Variants in SCLY observed in about 807,000 individuals in gnomAD.
SCLY encodes the protein putative selenocysteine lyase.
A neutral mutation model predicts 50.1 loss-of-function variants in SCLY; 38 were observed. That is an observed-to-expected ratio of 0.76 (90% confidence interval 0.59 to 0.99). The LOEUF is 0.99. Among genes scored for constraint, SCLY ranks in the 50% least tolerant of loss-of-function variants. The pLI, the probability that SCLY is intolerant of heterozygous loss-of-function variation, is 0.00. For synonymous variants in SCLY, 243 were observed against 249.4 expected, an observed-to-expected ratio of 0.97 and a Z score of 0.24; for missense variants, 600 against 620.0, an observed-to-expected ratio of 0.97 and a Z score of 0.34.
At chr2:238,070,598 T>C (rs2065118438) in intron 4 of SCLY, among the ~76,000 whole-genome samples, 1 of 152,070 alleles carries the variant, frequency 6.6e-6, no homozygotes, top group Non-Finnish European at 1.5e-5. Flanking sequence ...GAGAATCACT[T>C]GGATCCTGGA....
At chr2:238,091,483 G>T in intron 8 of SCLY, 1 of 558,026 alleles carries the variant, frequency 1.8e-6, no homozygotes, top group Admixed American at 3.0e-5. Flanking sequence ...CCTTGTCTGT[G>T]TCTCTTCTGA....
chr2:238,088,277 C>T (rs2065322160), intron 7 of SCLY, among the ~76,000 whole-genome samples: 2 of 151,772 alleles, frequency 1.3e-5, no homozygotes, highest in African/African-American at 4.8e-5. Context: ...GCCTGGCCAA[C>T]ATGGTGAAAT....
intron 4 of SCLY, 151 bp from the exon 5 acceptor site, chr2:238,081,558 G>C (rs1413842439): frequency 7.8e-5 from 84 of 1,076,392 alleles, no homozygotes; most frequent in Non-Finnish European, 1.1e-4. Flanking sequence ...GGCCAGTGAT[G>C]ATGGGCGGCT....
chr2:238,063,742 G>A (rs986817673), intron 1 of SCLY, among the ~76,000 whole-genome samples: 1 of 152,202 alleles, frequency 6.6e-6, no homozygotes, highest in African/African-American at 2.4e-5. Context: ...GGGAAATAAG[G>A]CGAACCTCTG....
At chr2:238,085,619 C>G (rs561316056) in intron 7 of SCLY, among the ~76,000 whole-genome samples, 27 of 151,872 alleles carry the variant, frequency 1.8e-4, no homozygotes, top group Middle Eastern at 3.4e-3. Flanking sequence ...CCCAGCTACC[C>G]GGGAGGCTGA....
In SCLY at chr2:238,083,371, A is replaced by G. The variant is rs1365989486; in HGVS notation, c.884+17A>G. ...CAGGCCAGGGTAAGGCAGAAAGTTA[A>G]CAAAGTCTCTGACCTACTGACCGTG... On this transcript the variant is annotated intron_variant, in intron 7 of 11. Coordinates refer to ENST00000254663, the MANE Select transcript of SCLY (RefSeq NM_016510.7). The surrounding 1 kb of genome is among the most constrained non-coding windows in gnomAD (Gnocchi z 4.3). The G allele has an allele frequency of 6.5e-7, 1 of 1,533,732 alleles. No individual in the cohort carries two copies. Among genetic ancestry groups the G allele is most frequent in the Non-Finnish European group, 9.0e-7 (1 of 1,106,802 alleles).
At position 238,063,250 on chromosome 2, in the gene SCLY, G is replaced by T. The variant is rs908489299; in HGVS notation, c.90-1107G>T. 1.5e-3 allele frequency among the ~76,000 whole-genome samples: 214 copies of T among 140,716 alleles called. 1 individual carries two copies. The highest frequency in any genetic ancestry group is 4.7e-3 in the African/African-American group (189 of 40,288). The allele number at this position is 140,716 out of a possible 152,430, so 92.3% of individuals were successfully genotyped here. ...GCAGTTTTGTGGGTTTGTTTTTTTTGTTGTTGTTTTTTTTTTTTTTGAGAC... is the reference window on the plus strand; with the variant it reads ...GCAGTTTTGTGGGTTTGTTTTTTTTTTTGTTGTTTTTTTTTTTTTTGAGAC... On this transcript the variant is annotated intron_variant, in intron 1 of 11. Transcript: ENST00000254663.
intron 6 of SCLY, chr2:238,082,884 C>T (rs573629909): frequency 9.8e-5 from 32 of 324,974 alleles, no homozygotes; most frequent in South Asian, 8.6e-4. Flanking sequence ...TGGCCAACCG[C>T]TGGTTCCAAC....
intron 4 of SCLY, among the ~76,000 whole-genome samples, chr2:238,072,784 C>G (rs2065139702): frequency 6.6e-6 from 1 of 152,112 alleles, no homozygotes; most frequent in Non-Finnish European, 1.5e-5. Context: ...ATACAAGTCC[C>G]TTGTCAGATA....
At chr2:238,077,761 C>T (rs529844959) in intron 4 of SCLY, among the ~76,000 whole-genome samples, 21 of 152,226 alleles carry the variant, frequency 1.4e-4, no homozygotes, top group Admixed American at 5.9e-4. Context: ...TGTATCTGAC[C>T]CTTGCCACCT....
Position 238,061,054 on chromosome 2 carries a change from G to A in SCLY, c.-1G>A, listed in dbSNP as rs2065011339. 6.5e-6 allele frequency: 9 copies of A among 1,386,980 alleles called. No homozygotes were observed. Among genetic ancestry groups the A allele is most frequent in the Non-Finnish European group, 8.3e-6 (9 of 1,080,138 alleles). 85.9% of individuals were successfully genotyped at this position (1,386,980 alleles called of 1,614,324 possible). Reference sequence around the variant, plus strand: ...GGATGCCCGGCAGCAGTGGGGCGGGGATGGAGGCGGCCGTGGCGCCGGGGA... The same window carrying A: ...GGATGCCCGGCAGCAGTGGGGCGGGAATGGAGGCGGCCGTGGCGCCGGGGA... On this transcript the variant is annotated 5_prime_UTR_variant, in exon 1 of 12. Coordinates refer to ENST00000254663, the MANE Select transcript of SCLY (RefSeq NM_016510.7).
intron 7 of SCLY, among the ~76,000 whole-genome samples, chr2:238,090,667 A>AT (rs900650640): frequency 7.2e-5 from 11 of 151,764 alleles, no homozygotes; most frequent in South Asian, 2.1e-4. Context: ...TATTAAGTTA[A>AT]TTTTTTTTTC....
At chr2:238,087,019 GAAA>G (rs34975994) in intron 7 of SCLY, among the ~76,000 whole-genome samples, 115,197 of 149,194 alleles carry the variant, frequency 0.77, 44,559 homozygotes, top group East Asian at 0.93. Flanking sequence ...AACTCCGTCT[GAAA>G]AAAAAAAAAA....
At chr2:238,064,519 G>A in intron 2 of SCLY, 50 bp downstream of exon 2, 2 of 1,339,108 alleles carry the variant, frequency 1.5e-6, no homozygotes, top group Non-Finnish European at 2.1e-6. Flanking sequence ...ATGGGGATGG[G>A]GCGCTCTTAG....
intron 7 of SCLY, among the ~76,000 whole-genome samples, chr2:238,088,565 G>A (rs1443058202): frequency 3.3e-5 from 5 of 152,296 alleles, no homozygotes; most frequent in South Asian, 4.1e-4. Context: ...ATCACTTGAG[G>A]CCAGGAGTTC....
At chr2:238,078,708 T>C (rs949748362) in intron 4 of SCLY, 11 of 151,808 alleles carry the variant, frequency 7.2e-5, no homozygotes, top group African/African-American at 2.7e-4. Flanking sequence ...TTTTTTTTTT[T>C]TGGAGACAGA....
At chr2:238,091,517 C>CTTTTTTAATGATACGACG in intron 8 of SCLY, 1 of 488,454 alleles carries the variant, frequency 2.0e-6, no homozygotes, top group Non-Finnish European at 3.7e-6. Context: ...GATACTGTTA[C>CTTTTTTAATGATACGACG]AGCAGAGGTG....
At chr2:238,081,617 T>C in intron 4 of SCLY, 92 bp from the exon 5 acceptor site, 1 of 1,504,196 alleles carries the variant, frequency 6.6e-7, no homozygotes, top group Non-Finnish European at 9.0e-7. Flanking sequence ...TTTACTTTTA[T>C]AGTTGTAGAA....
At chr2:238,098,125 GT>G in intron 11 of SCLY, 76 bp from the exon 12 acceptor site, 1 of 1,525,516 alleles carries the variant, frequency 6.6e-7, no homozygotes, top group Non-Finnish European at 8.8e-7. Flanking sequence ...CACTAGGGGA[GT>G]GGTCCAGAGC....
Sources: allele counts gnomAD v4.1 joint callset (sites outside exome capture counted in the v4.1 genomes callset), GRCh38; gene constraint gnomAD v4.1.1; non-coding constraint Gnocchi (gnomAD v3.1); transcripts MANE v1.5; gene names NCBI Gene and HGNC (gene_info 2026-07-23, HGNC 2026-07-21).